PRMT2: variants seen among roughly 807,000 people sequenced by gnomAD.
PRMT2 encodes protein arginine N-methyltransferase 2.
PRMT2 carries 26 observed loss-of-function variants against 57.6 expected under a neutral mutation model. That is an observed-to-expected ratio of 0.45 (90% confidence interval 0.33 to 0.63). The LOEUF is 0.63. Ranked by LOEUF, PRMT2 falls within the 20% of genes least tolerant of loss-of-function variation. The probability of loss-of-function intolerance (pLI) is 0.02; values close to 1 mark genes in which losing one functional copy is unlikely to be tolerated. For missense variants in PRMT2, 472 were observed against 564.4 expected, an observed-to-expected ratio of 0.84 and a Z score of 1.66; for synonymous variants, 219 against 220.0, an observed-to-expected ratio of 1.00 and a Z score of 0.04.
intron 7 of PRMT2, chr21:46,651,980 C>T (rs1194588968): frequency 6.8e-6 from 11 of 1,613,286 alleles, no homozygotes; most frequent in Non-Finnish European, 9.3e-6. Context: ...AGGCCTTCAT[C>T]TCTCCTGGCC....
Position 46,640,438 on chromosome 21 carries a change from ATTTT to A in PRMT2, c.40-3079_40-3076del, listed in dbSNP as rs61531632. Among the ~76,000 whole-genome samples, 840 of 116,482 alleles carry A rather than the reference ATTTT, an allele frequency of 7.2e-3. 6 individuals carry two copies. The highest frequency in any genetic ancestry group is 0.027 in the African/African-American group (770 of 28,350). 76.4% of individuals were successfully genotyped at this position (116,482 alleles called of 152,430 possible). ...AAACTATGAAATGTGTTTTGCCTACATTTTTTTTTTTTTTTTTTTTTGAGACGGA... is the reference window on the plus strand; with the variant it reads ...AAACTATGAAATGTGTTTTGCCTACATTTTTTTTTTTTTTTTTGAGACGGA... On this transcript the variant is annotated intron_variant, in intron 3 of 11. Coordinates refer to ENST00000355680, the MANE Select transcript of PRMT2 (RefSeq NM_206962.4).
At chr21:46,643,314 C>A in intron 3 of PRMT2, 2 of 866,538 alleles carry the variant, frequency 2.3e-6, no homozygotes, top group Non-Finnish European at 3.0e-6. Flanking sequence ...CTTTGATGTT[C>A]TCTTTTAGGG....
chr21:46,640,713 T>G (rs1019967191), intron 3 of PRMT2, among the ~76,000 whole-genome samples: 4 of 151,832 alleles, frequency 2.6e-5, no homozygotes, highest in African/African-American at 7.2e-5. Flanking sequence ...TGGTTTTTTT[T>G]TTTTAATTTT....
intron 10 of PRMT2, among the ~76,000 whole-genome samples, chr21:46,663,070 T>G (rs1320914385): frequency 3.3e-5 from 5 of 152,170 alleles, no homozygotes; most frequent in Non-Finnish European, 5.9e-5. Flanking sequence ...GGGTGAGCCG[T>G]CCACACCTCC....
chr21:46,656,665 C>G (rs2061546140), intron 7 of PRMT2, among the ~76,000 whole-genome samples: 1 of 152,070 alleles, frequency 6.6e-6, no homozygotes, highest in South Asian at 2.1e-4. Flanking sequence ...ACATCTCATA[C>G]ACAGCTGAAC....
chr21:46,636,872 G>A (rs1032595240), intron 2 of PRMT2, 24 bp from the exon 3 acceptor site: 12 of 1,427,326 alleles, frequency 8.4e-6, no homozygotes, highest in Non-Finnish European at 9.7e-6. Context: ...AGTACTTTGT[G>A]TCTCCTTCTC....
intron 3 of PRMT2, among the ~76,000 whole-genome samples, chr21:46,637,618 TTTAA>T (rs1231635586): frequency 5.9e-5 from 9 of 152,320 alleles, no homozygotes; most frequent in African/African-American, 2.2e-4. Context: ...CGTTAATTTC[TTTAA>T]TTATTCATAA....
At position 46,648,697 on chromosome 21, in the gene PRMT2, C is replaced by T; in HGVS notation, c.489+78C>T. The stretch of plus-strand genomic sequence containing the variant: ...CCGAGGTGGCCTCTGAGTGTGCTGA[C>T]TTGTGACCCTGAGCTGTTGGGGGCT... On this transcript the variant is annotated intron_variant, in intron 6 of 11. Coordinates refer to ENST00000355680, the MANE Select transcript of PRMT2 (RefSeq NM_206962.4). This position sits in a 1 kb window ranked among gnomAD's most constrained non-coding sequence, Gnocchi z 4.8. 1 of 1,546,144 alleles carries T rather than the reference C, an allele frequency of 6.5e-7. No homozygotes were observed. The highest frequency in any genetic ancestry group is 8.8e-7 in the Non-Finnish European group (1 of 1,134,232).
At chr21:46,643,773 G>T in intron 4 of PRMT2, 134 bp downstream of exon 4, 4 of 1,149,526 alleles carry the variant, frequency 3.5e-6, no homozygotes, top group Non-Finnish European at 4.7e-6. Context: ...AGACCTGTGT[G>T]TGAAGCTCAC....
chr21:46,636,250 A>T (rs1397410348), intron 1 of PRMT2, 189 bp from the exon 2 acceptor site: 2 of 152,344 alleles, frequency 1.3e-5, no homozygotes, highest in Non-Finnish European at 2.9e-5. Context: ...TCCTGCGCGC[A>T]CTGCGGCCTC....
chr21:46,644,729 T>C (rs896249332), intron 5 of PRMT2, among the ~76,000 whole-genome samples: 2 of 152,180 alleles, frequency 1.3e-5, no homozygotes, highest in African/African-American at 2.4e-5. Flanking sequence ...TGTACAGTTT[T>C]CATGTGTCAC....
intron 3 of PRMT2, among the ~76,000 whole-genome samples, chr21:46,638,015 T>C (rs749102160): frequency 4.6e-5 from 7 of 152,216 alleles, no homozygotes; most frequent in African/African-American, 7.2e-5. Flanking sequence ...CCAGTCTCAG[T>C]CCTATTCCTC....
intron 7 of PRMT2, chr21:46,652,899 A>G (rs1376452236): frequency 6.1e-6 from 8 of 1,303,052 alleles, no homozygotes; most frequent in Non-Finnish European, 8.1e-6. Flanking sequence ...TCCGAGAAGC[A>G]GGTTGCACAC....
At chr21:46,645,091 CA>C (rs201443754) in intron 5 of PRMT2, among the ~76,000 whole-genome samples, 22 of 122,892 alleles carry the variant, frequency 1.8e-4, no homozygotes, top group East Asian at 5.5e-4. Context: ...TTCGTCTCTA[CA>C]AAAAAAAAAT....
intron 7 of PRMT2, among the ~76,000 whole-genome samples, chr21:46,650,446 G>A (rs1358052643): frequency 2.6e-5 from 4 of 152,112 alleles, no homozygotes; most frequent in African/African-American, 9.7e-5. Context: ...GGTTTCCCCT[G>A]GTAACAGATG....
At chr21:46,652,426 A>G (rs1015692664) in intron 7 of PRMT2, 3 of 1,055,572 alleles carry the variant, frequency 2.8e-6, no homozygotes, top group Admixed American at 5.0e-5. Flanking sequence ...AGAAAAGCAT[A>G]AGATAAAGGT....
intron 7 of PRMT2, chr21:46,652,754 A>G: frequency 1.7e-6 from 2 of 1,149,142 alleles, no homozygotes; most frequent in East Asian, 7.5e-5. Flanking sequence ...AAGTAAAGAT[A>G]CCACAGGTGT....
intron 5 of PRMT2, among the ~76,000 whole-genome samples, 170 bp downstream of exon 5, chr21:46,644,658 AGT>A (rs1385497073): frequency 6.6e-6 from 1 of 152,190 alleles, no homozygotes; most frequent in South Asian, 2.1e-4. Context: ...TGACACACAA[AGT>A]GTGCACTGTT....
chr21:46,659,222 GCC>G (rs2061584918), intron 8 of PRMT2: 1 of 1,122,978 alleles, frequency 8.9e-7, no homozygotes, highest in Non-Finnish European at 1.1e-6. Flanking sequence ...CAGTTGATTA[GCC>G]CTTGTTCTCT....
Sources: allele counts gnomAD v4.1 joint callset (sites outside exome capture counted in the v4.1 genomes callset), GRCh38; gene constraint gnomAD v4.1.1; non-coding constraint Gnocchi (gnomAD v3.1); transcripts MANE v1.5; gene names NCBI Gene and HGNC (gene_info 2026-07-23, HGNC 2026-07-21).